The following SPRN variants were observed in gnomAD, a reference collection of about 807,000 sequenced individuals.
SPRN encodes the protein shadow of prion protein.
For synonymous variants in SPRN, 182 were observed against 123.4 expected (o/e 1.48, Z -3.15); for missense variants, 312 against 241.4 (o/e 1.29, Z -1.94).
Position 133,421,121 on chromosome 10 carries a change from C to G in SPRN, c.*2105G>C, listed in dbSNP as rs1350625222. Reference sequence around the variant, plus strand: ...TGGCCTGACCGTCCCACAGCAGCCTCCACCAGGGCCCTGGTGCTCAGTGGC... The same window carrying G: ...TGGCCTGACCGTCCCACAGCAGCCTGCACCAGGGCCCTGGTGCTCAGTGGC... On this transcript the variant is annotated 3_prime_UTR_variant, in exon 2 of 2. Transcript: ENST00000685335. The G allele has an allele frequency of 1.3e-5, 2 of 152,430 alleles. No homozygotes were observed. The highest frequency in any genetic ancestry group is 4.8e-5 in the African/African-American group (2 of 41,436). 9.4% of individuals were successfully genotyped at this position (152,430 alleles called of 1,614,324 possible).
intron 1 of SPRN, among the ~76,000 whole-genome samples, 188 bp from the exon 2 acceptor site, chr10:133,423,885 G>A (rs1850309914): frequency 2.0e-5 from 3 of 152,282 alleles, no homozygotes; most frequent in Admixed American, 2.0e-4. Flanking sequence ...TTAGGCCTGG[G>A]GGAGGCGCTG....
chr10:133,423,402 C>G lies in SPRN; in HGVS notation c.280G>C (p.Gly94Arg). 1 of 1,487,208 alleles carries G rather than the reference C, an allele frequency of 6.7e-7. No homozygotes were observed. Among genetic ancestry groups the G allele is most frequent in the South Asian group, 1.3e-5 (1 of 79,540 alleles). 92.1% of individuals were successfully genotyped at this position (1,487,208 alleles called of 1,614,324 possible). A position where few individuals can be genotyped will look rare whatever the true frequency, so the allele number is the denominator to read the frequency against. ...TCCTCCAGGCCGCGTTCCCCGGGTC[C>G]CGCGGCCCTTCTCCAGCCCGAGCCC... ...AAGSGWRRAAGPGERGLEDEE... is the reference protein window; with the variant it reads ...AAGSGWRRAARPGERGLEDEE... The change falls in exon 2 of 2, where the codon GGA becomes CGA. Residue 94 changes from glycine to arginine, a missense_variant. Gly to Arg is a moderately radical substitution (Grantham distance 125, BLOSUM62 -2). Transcript: ENST00000685335.
In SPRN at chr10:133,421,055, G is replaced by C. The variant is rs548661106; in HGVS notation, c.*2171C>G. On this transcript the variant is annotated 3_prime_UTR_variant, in exon 2 of 2. Coordinates refer to ENST00000685335, the MANE Select transcript of SPRN (RefSeq NM_001391974.1). ...AAGGTGCTGCAGGACCTGGGGCCAG[G>C]GACATCCTGTGCAGAAGCTCCGGCT... The C allele has an allele frequency of 6.6e-6, 1 of 152,486 alleles. No individual in the cohort carries two copies. Among genetic ancestry groups the C allele is most frequent in the Admixed American group, 6.5e-5 (1 of 15,284 alleles). The allele number at this position is 152,486 out of a possible 1,614,324, so 9.4% of individuals were successfully genotyped here.
At position 133,423,404 on chromosome 10, in the gene SPRN, G is replaced by A. The variant is rs1382733694; in HGVS notation, c.278C>T (p.Ala93Val). 7.9e-5 allele frequency: 117 copies of A among 1,486,034 alleles called. No individual in the cohort carries two copies. The highest frequency in any genetic ancestry group is 9.7e-5 in the Non-Finnish European group (109 of 1,122,474). The allele number at this position is 1,486,034 out of a possible 1,614,324, so 92.1% of individuals were successfully genotyped here. The change falls in exon 2 of 2, where the codon GCG (alanine) becomes GTG (valine). Residue 93 changes from alanine (A) to valine (V), a missense_variant. Coordinates refer to ENST00000685335, the MANE Select transcript of SPRN (RefSeq NM_001391974.1). ...CTCCAGGCCGCGTTCCCCGGGTCCC[G>A]CGGCCCTTCTCCAGCCCGAGCCCGC... Reference protein sequence around the residue: ...LAAGSGWRRAAGPGERGLEDE... With the variant: ...LAAGSGWRRAVGPGERGLEDE...
chr10:133,423,337 G>A lies in SPRN; in HGVS notation c.345C>T (p.Pro115=), dbSNP rs1310147298. ...DGVPGGNGTG[P]GIYSYRAWTS... is the part of the protein sequence containing the mutation. Reference sequence around the variant, plus strand: ...TCCACGCCCGGTAGCTGTAGATGCCGGGGCCTGTCCCGTTGCCTCCGGGCA... The same window carrying A: ...TCCACGCCCGGTAGCTGTAGATGCCAGGGCCTGTCCCGTTGCCTCCGGGCA... The change falls in exon 2 of 2, where the codon CCC becomes CCT. Residue 115 remains proline, a synonymous_variant. Coordinates refer to ENST00000685335, the MANE Select transcript of SPRN (RefSeq NM_001391974.1). 3.3e-6 allele frequency: 5 copies of A among 1,521,682 alleles called. No individual in the cohort carries two copies. The highest frequency in any genetic ancestry group is 4.4e-6 in the Non-Finnish European group (5 of 1,140,004). The allele number at this position is 1,521,682 out of a possible 1,614,324, so 94.3% of individuals were successfully genotyped here.
In SPRN at chr10:133,421,406, G is replaced by A. The variant is rs760947793; in HGVS notation, c.*1820C>T. On this transcript the variant is annotated 3_prime_UTR_variant, in exon 2 of 2. Coordinates refer to ENST00000685335, the MANE Select transcript of SPRN (RefSeq NM_001391974.1). ...CTGGTGCAGCTCAGCCCATTTTCCA[G>A]GTGGGCATCTGCAAAGTTGAGGGGG... The A allele has an allele frequency of 6.5e-6, 1 of 153,228 alleles. No homozygotes were observed. Among genetic ancestry groups the A allele is most frequent in the Admixed American group, 6.5e-5 (1 of 15,282 alleles). 9.5% of individuals were successfully genotyped at this position (153,228 alleles called of 1,614,324 possible).
At chr10:133,423,897 G>A (rs1850310144) in intron 1 of SPRN, among the ~76,000 whole-genome samples, 200 bp from the exon 2 acceptor site, 1 of 152,286 alleles carries the variant, frequency 6.6e-6, no homozygotes, top group African/African-American at 2.4e-5. Context: ...GAGGCGCTGG[G>A]AAGTGGCAGG....
Position 133,423,481 on chromosome 10 carries a change from A to C in SPRN, c.201T>G (p.Ala67=), listed in dbSNP as rs1850298421. Residue 67 remains alanine (A), a synonymous_variant, in exon 2 of 2, where the codon GCT becomes GCG. Coordinates refer to ENST00000685335, the MANE Select transcript of SPRN (RefSeq NM_001391974.1). The part of the protein sequence containing the change: ...YGAPGSSLRV[A]AAGAAAGAAA... ...CCGCCCCGGCTGCCGCCCCGGCGGC[A>C]GCCACGCGCAGGGAGGAGCCCGGGG... 16 of 1,156,906 alleles carry C rather than the reference A, an allele frequency of 1.4e-5. No individual in the cohort carries two copies. Among genetic ancestry groups the C allele is most frequent in the East Asian group, 4.1e-5 (1 of 24,206 alleles). 71.7% of individuals were successfully genotyped at this position (1,156,906 alleles called of 1,614,324 possible).
In SPRN at chr10:133,423,373, C is replaced by G; in HGVS notation, c.309G>C (p.Glu103Asp). 6.6e-7 allele frequency: 1 copy of G among 1,508,444 alleles called. No individual in the cohort carries two copies. The highest frequency in any genetic ancestry group is 8.8e-7 in the Non-Finnish European group (1 of 1,133,852). 93.4% of individuals were successfully genotyped at this position (1,508,444 alleles called of 1,614,324 possible). A position where few individuals can be genotyped will look rare whatever the true frequency, so the allele number is the denominator to read the frequency against. ...CGTTGCCTCCGGGCACCCCGTCCTC[C>G]TCGTCCTCCAGGCCGCGTTCCCCGG... ...AGPGERGLEDEEDGVPGGNGT... is the reference protein window; with the variant it reads ...AGPGERGLEDDEDGVPGGNGT... Residue 103 changes from glutamate (E) to aspartate (D), a missense_variant, in exon 2 of 2, where the codon GAG (glutamate) becomes GAC (aspartate). Coordinates refer to ENST00000685335, the MANE Select transcript of SPRN (RefSeq NM_001391974.1).
At position 133,423,468 on chromosome 10, in the gene SPRN, C is replaced by T. The variant is rs1319302844; in HGVS notation, c.214G>A (p.Ala72Thr). ...GCCGCTCCCGCCGCCGCCCCGGCTGCCGCCCCGGCGGCAGCCACGCGCAGG... is the reference window on the plus strand; with the variant it reads ...GCCGCTCCCGCCGCCGCCCCGGCTGTCGCCCCGGCGGCAGCCACGCGCAGG... Reference protein sequence around the residue: ...SSLRVAAAGAAAGAAAGAAAG... With the variant: ...SSLRVAAAGATAGAAAGAAAG... The change falls in exon 2 of 2, where the codon GCA (alanine) becomes ACA (threonine). Residue 72 changes from alanine to threonine, a missense_variant. Physicochemically the swap from Ala to Thr is moderately conservative, Grantham distance 58. Coordinates refer to ENST00000685335, the MANE Select transcript of SPRN (RefSeq NM_001391974.1). The T allele has an allele frequency of 1.3e-5, 15 of 1,169,182 alleles. No homozygotes were observed. The highest frequency in any genetic ancestry group is 1.6e-5 in the African/African-American group (1 of 61,114). 72.4% of individuals were successfully genotyped at this position (1,169,182 alleles called of 1,614,324 possible). A position where few individuals can be genotyped will look rare whatever the true frequency, so the allele number is the denominator to read the frequency against.
chr10:133,421,802 G>A lies in SPRN; in HGVS notation c.*1424C>T, dbSNP rs551222564. 2 of 153,130 alleles carry A rather than the reference G, an allele frequency of 1.3e-5. No homozygotes were observed. The highest frequency in any genetic ancestry group is 2.9e-5 in the Non-Finnish European group (2 of 68,536). The allele number at this position is 153,130 out of a possible 1,614,324, so 9.5% of individuals were successfully genotyped here. On this transcript the variant is annotated 3_prime_UTR_variant, in exon 2 of 2. Transcript: ENST00000685335. ...GTGGTGGGTGCTGGTCTTGACTTTG[G>A]TGTCCACTGAGTCCCGAGGCTCAGG...
Position 133,423,442 on chromosome 10 carries a change from G to GGCCGCTCCCGCC in SPRN, c.228_239dup (p.Ala79_Gly82dup), listed in dbSNP as rs1850296242. 1.6e-6 allele frequency: 2 copies of GGCCGCTCCCGCC among 1,259,402 alleles called. No homozygotes were observed. The highest frequency in any genetic ancestry group is 4.0e-5 in the Admixed American group (1 of 24,922). 78.0% of individuals were successfully genotyped at this position (1,259,402 alleles called of 1,614,324 possible). On this transcript the variant is annotated inframe_insertion, in exon 2 of 2. Transcript: ENST00000685335. ...AGCCCGAGCCCGCCGCCAGGCCCGCGGCCGCTCCCGCCGCCGCCCCGGCTG... is the reference window on the plus strand; with the variant it reads ...AGCCCGAGCCCGCCGCCAGGCCCGCGGCCGCTCCCGCCGCCGCTCCCGCCGCCGCCCCGGCTG...
rs764565479 is a variant in SPRN, at chr10:133,423,225, C to T, written c.*1G>A. 3 of 1,443,138 alleles carry T rather than the reference C, an allele frequency of 2.1e-6. No homozygotes were observed. Among genetic ancestry groups the T allele is most frequent in the Non-Finnish European group, 2.7e-6 (3 of 1,098,052 alleles). The allele number at this position is 1,443,138 out of a possible 1,614,324, so 89.4% of individuals were successfully genotyped here. A position where few individuals can be genotyped will look rare whatever the true frequency, so the allele number is the denominator to read the frequency against. The stretch of plus-strand genomic sequence containing the variant: ...GATGTGGTCCCCGAGCCCAGCCAGG[C>T]CTAGGGCCGCAGCAGCCCCAGGGCT... On this transcript the variant is annotated 3_prime_UTR_variant, in exon 2 of 2. Transcript: ENST00000685335.
intron 1 of SPRN, among the ~76,000 whole-genome samples, 160 bp downstream of exon 1, chr10:133,424,313 A>G (rs1480398631): frequency 2.6e-4 from 37 of 142,924 alleles, no homozygotes; most frequent in African/African-American, 9.9e-4. Context: ...CCGGCGCTCA[A>G]TGCCGTCCCC....
At position 133,422,042 on chromosome 10, in the gene SPRN, C is replaced by CTT. The variant is rs1850250421; in HGVS notation, c.*1182_*1183dup. On this transcript the variant is annotated 3_prime_UTR_variant, in exon 2 of 2. Coordinates refer to ENST00000685335, the MANE Select transcript of SPRN (RefSeq NM_001391974.1). ...CGGGACTGGGAAGCAGAGGGCTGGT[C>CTT]TTAACACAGGTGTGTCCAGTGCTGG... The CTT allele has an allele frequency of 6.5e-6, 1 of 153,452 alleles. No individual in the cohort carries two copies. The highest frequency in any genetic ancestry group is 2.4e-5 in the African/African-American group (1 of 41,480). 9.5% of individuals were successfully genotyped at this position (153,452 alleles called of 1,614,324 possible).
Position 133,421,559 on chromosome 10 carries a change from G to C in SPRN, c.*1667C>G, listed in dbSNP as rs1850236226. The stretch of plus-strand genomic sequence containing the variant: ...TGGCCTTGGCCTGCTGGTCTTGGAG[G>C]CGTTGAGCTTGGTCTGGAAGGGGTG... On this transcript the variant is annotated 3_prime_UTR_variant, in exon 2 of 2. Transcript: ENST00000685335. 6.5e-6 allele frequency: 1 copy of C among 153,350 alleles called. No individual in the cohort carries two copies. Among genetic ancestry groups the C allele is most frequent in the Non-Finnish European group, 1.5e-5 (1 of 68,618 alleles). The allele number at this position is 153,350 out of a possible 1,614,324, so 9.5% of individuals were successfully genotyped here. A position where few individuals can be genotyped will look rare whatever the true frequency, so the allele number is the denominator to read the frequency against.
Position 133,423,463 on chromosome 10 carries a change from G to T in SPRN, c.219C>A (p.Ala73=). The T allele has an allele frequency of 1.7e-6, 2 of 1,171,042 alleles. No homozygotes were observed. The highest frequency in any genetic ancestry group is 2.1e-6 in the Non-Finnish European group (2 of 959,216). 72.5% of individuals were successfully genotyped at this position (1,171,042 alleles called of 1,614,324 possible). A position where few individuals can be genotyped will look rare whatever the true frequency, so the allele number is the denominator to read the frequency against. The change falls in exon 2 of 2, where the codon GCC becomes GCA. Residue 73 remains alanine (A), a synonymous_variant. Transcript: ENST00000685335. ...CCGCGGCCGCTCCCGCCGCCGCCCCGGCTGCCGCCCCGGCGGCAGCCACGC... is the reference window on the plus strand; with the variant it reads ...CCGCGGCCGCTCCCGCCGCCGCCCCTGCTGCCGCCCCGGCGGCAGCCACGC... ...SLRVAAAGAA[A]GAAAGAAAGL...
rs1267466929 is a variant in SPRN at position 133,422,255 on chromosome 10, G to A, written c.*971C>T. 6.6e-6 allele frequency: 1 copy of A among 152,414 alleles called. No homozygotes were observed. The highest frequency in any genetic ancestry group is 1.5e-5 in the Non-Finnish European group (1 of 68,190). 9.4% of individuals were successfully genotyped at this position (152,414 alleles called of 1,614,324 possible). ...AGGCCGTCAGCTGCCAGCCCACCAC[G>A]CGGATACCCAGGCCCTGTTCCGAGG... is the stretch of plus-strand genomic sequence containing the variant. On this transcript the variant is annotated 3_prime_UTR_variant, in exon 2 of 2. Coordinates refer to ENST00000685335, the MANE Select transcript of SPRN (RefSeq NM_001391974.1).
rs1482183881 is a variant in SPRN at position 133,423,297 on chromosome 10, G to A, written c.385C>T (p.Pro129Ser). 3 of 1,521,108 alleles carry A rather than the reference G, an allele frequency of 2.0e-6. No individual in the cohort carries two copies. The highest frequency in any genetic ancestry group is 2.0e-5 in the Admixed American group (1 of 49,716). 94.2% of individuals were successfully genotyped at this position (1,521,108 alleles called of 1,614,324 possible). The change falls in exon 2 of 2, where the codon CCC becomes TCC. Residue 129 changes from proline to serine, a missense_variant. Coordinates refer to ENST00000685335, the MANE Select transcript of SPRN (RefSeq NM_001391974.1). ...SYRAWTSGAG[P>S]TRGPRLCLVL... Reference sequence around the variant, plus strand: ...AGACAGAGACGCGGGCCGCGCGTGGGTCCAGCGCCCGAAGTCCACGCCCGG... The same window carrying A: ...AGACAGAGACGCGGGCCGCGCGTGGATCCAGCGCCCGAAGTCCACGCCCGG...
Sources: allele counts gnomAD v4.1 joint callset (sites outside exome capture counted in the v4.1 genomes callset), GRCh38; gene constraint gnomAD v4.1.1; transcripts MANE v1.5; gene names NCBI Gene and HGNC (gene_info 2026-07-23, HGNC 2026-07-21).